Variants in CAST observed in about 807,000 individuals in gnomAD.
The protein encoded by CAST is MIR583 host.
CAST carries 76 observed loss-of-function variants against 119.6 expected under a neutral mutation model. That is an observed-to-expected ratio of 0.64 (90% CI 0.53 to 0.77). CAST has a LOEUF of 0.77. CAST is among the 30% of genes least tolerant of loss of function. The pLI, the probability that CAST is intolerant of heterozygous loss-of-function variation, is 0.00. For missense variants in CAST, 953 were observed against 946.5 expected, an observed-to-expected ratio of 1.01 and a Z score of -0.09; for synonymous variants, 319 against 331.6, an observed-to-expected ratio of 0.96 and a Z score of 0.41.
At chr5:96,401,783 G>A in the CAST span, among the ~76,000 whole-genome samples, 1 of 152,134 alleles carries the variant, frequency 6.6e-6, no homozygotes, top group Non-Finnish European at 1.5e-5. Flanking sequence ...CATGAGAAGT[G>A]GTGAGATCTT....
the CAST span, among the ~76,000 whole-genome samples, chr5:95,987,878 G>C: frequency 1.3e-5 from 2 of 152,176 alleles, no homozygotes; most frequent in African/African-American, 4.8e-5. Context: ...CACATTTAAA[G>C]TGCTCAGCAG....
At chr5:96,352,029 A>G in the CAST span, among the ~76,000 whole-genome samples, 2 of 152,164 alleles carry the variant, frequency 1.3e-5, no homozygotes, top group African/African-American at 4.8e-5. Context: ...CCATACAGTC[A>G]CATCTTAGAG....
the CAST span, among the ~76,000 whole-genome samples, chr5:96,197,254 C>G: frequency 3.3e-3 from 507 of 152,230 alleles, 3 homozygotes; most frequent in African/African-American, 0.012. Flanking sequence ...CTTATTTTTT[C>G]CCACAGCCTT....
the CAST span, among the ~76,000 whole-genome samples, chr5:96,098,643 T>A: frequency 6.6e-6 from 1 of 152,220 alleles, no homozygotes; most frequent in Admixed American, 6.5e-5. Context: ...AGGTGTGTGG[T>A]CTTATTTCTG....
At chr5:96,373,851 A>G in the CAST span, among the ~76,000 whole-genome samples, 1 of 151,936 alleles carries the variant, frequency 6.6e-6, no homozygotes, top group Non-Finnish European at 1.5e-5. Context: ...GGCTCAAGCA[A>G]TCCTCCCAGC....
chr5:96,326,410 A>G, the CAST span, among the ~76,000 whole-genome samples: 1 of 152,166 alleles, frequency 6.6e-6, no homozygotes, highest in African/African-American at 2.4e-5. Context: ...ATGTGTTTTT[A>G]TATCCCATGG....
intron 1 of CAST, among the ~76,000 whole-genome samples, chr5:96,537,558 GA>G (rs34121866): frequency 0.63 from 94,968 of 151,290 alleles, 29,948 homozygotes; most frequent in East Asian, 0.86. Flanking sequence ...CACAGGAAGA[GA>G]AAAAAAAAAC....
the CAST span, among the ~76,000 whole-genome samples, chr5:96,241,875 T>C: frequency 4.1e-5 from 6 of 147,434 alleles, no homozygotes; most frequent in South Asian, 1.3e-3. Flanking sequence ...TTGAGAAGTG[T>C]CTGTTCATGT....
At chr5:96,650,749 T>TGTGTGC (rs1748084392) in intron 1 of CAST, among the ~76,000 whole-genome samples, 3 of 151,814 alleles carry the variant, frequency 2.0e-5, no homozygotes, top group Admixed American at 1.3e-4. Context: ...TGTGTGTGTG[T>TGTGTGC]GTGTGTGTGT....
intron 1 of CAST, among the ~76,000 whole-genome samples, chr5:96,617,512 G>C (rs375688957): frequency 7.9e-5 from 12 of 152,078 alleles, no homozygotes; most frequent in African/African-American, 2.9e-4. Flanking sequence ...TTAGGAGGCC[G>C]GGCACGGTGG....
chr5:96,165,517 A>G, the CAST span, among the ~76,000 whole-genome samples: 1 of 152,222 alleles, frequency 6.6e-6, no homozygotes, highest in Non-Finnish European at 1.5e-5. Context: ...AAATGCATAT[A>G]TATACATACA....
chr5:96,115,576 C>T, the CAST span, among the ~76,000 whole-genome samples: 1 of 152,170 alleles, frequency 6.6e-6, no homozygotes, highest in Non-Finnish European at 1.5e-5. Flanking sequence ...AATTTAATAG[C>T]AGTCTGGTTC....
At chr5:96,632,829 G>A (rs913699513) in intron 1 of CAST, among the ~76,000 whole-genome samples, 1 of 152,162 alleles carries the variant, frequency 6.6e-6, no homozygotes, top group Admixed American at 6.5e-5. Context: ...TGTATTGATA[G>A]TAAGTTTTAA....
At chr5:96,061,805 T>A in the CAST span, among the ~76,000 whole-genome samples, 2 of 152,056 alleles carry the variant, frequency 1.3e-5, no homozygotes, top group Non-Finnish European at 2.9e-5. Context: ...AGAATACAGA[T>A]GCACACATGG....
chr5:96,015,844 A>G, the CAST span, among the ~76,000 whole-genome samples: 1 of 152,158 alleles, frequency 6.6e-6, no homozygotes, highest in African/African-American at 2.4e-5. Context: ...ACAGCTAGGA[A>G]GTGGTATTGT....
chr5:96,397,195 A>G, the CAST span: 1 of 753,794 alleles, frequency 1.3e-6, no homozygotes, highest in Non-Finnish European at 2.3e-6. Context: ...TCAGGGCTTG[A>G]AACACTCTAC....
the CAST span, among the ~76,000 whole-genome samples, chr5:96,340,985 T>G: frequency 6.6e-6 from 1 of 152,202 alleles, no homozygotes; most frequent in Admixed American, 6.5e-5. Context: ...CTTCAGTGAG[T>G]ATACTTCAGA....
chr5:96,369,817 G>T, the CAST span, among the ~76,000 whole-genome samples: 5 of 151,946 alleles, frequency 3.3e-5, no homozygotes, highest in Non-Finnish European at 4.4e-5. Context: ...TCTCTTCACT[G>T]CATGACCCAC....
chr5:96,398,975 C>G, the CAST span: 2 of 1,612,876 alleles, frequency 1.2e-6, no homozygotes, highest in South Asian at 2.2e-5. Context: ...ATAGCATTTT[C>G]TTGTCCTTCA....
Sources: allele counts gnomAD v4.1 joint callset (sites outside exome capture counted in the v4.1 genomes callset), GRCh38; gene constraint gnomAD v4.1.1; transcripts MANE v1.5; gene names NCBI Gene and HGNC (gene_info 2026-07-23, HGNC 2026-07-21).